Variants in NFASC observed in about 807,000 individuals in gnomAD.
The protein encoded by NFASC is neurofascin.
In NFASC, 43 loss-of-function variants were observed where a neutral mutation model predicts 147.5. That is an observed-to-expected ratio of 0.29 (90% CI 0.23 to 0.38). NFASC has a LOEUF of 0.38. NFASC is among the 10% of genes least tolerant of loss of function. The pLI is 1.00. For missense variants in NFASC, 1,320 were observed against 1,689.0 expected (o/e 0.78, Z 3.83); for synonymous variants, 622 against 665.5 (o/e 0.93, Z 1.01).
chr1:205,006,811 C>T (rs2096121726), intron 27 of NFASC, among the ~76,000 whole-genome samples: 1 of 152,106 alleles, frequency 6.6e-6, no homozygotes, highest in African/African-American at 2.4e-5. Flanking sequence ...CTGGGAGAAT[C>T]AAGGCAGGGG....
intron 17 of NFASC, 69 bp downstream of exon 17, chr1:204,977,794 A>G: frequency 4.8e-6 from 7 of 1,455,602 alleles, no homozygotes; most frequent in Non-Finnish European, 6.7e-6. Context: ...AGTCTGGGAG[A>G]AGGAAGCCAC....
chr1:204,898,037 C>G (rs961258052), intron 1 of NFASC, among the ~76,000 whole-genome samples: 3 of 152,180 alleles, frequency 2.0e-5, no homozygotes, highest in Non-Finnish European at 4.4e-5. Context: ...CGCACCAAGC[C>G]GCCTGGCTAA....
intron 1 of NFASC, among the ~76,000 whole-genome samples, chr1:204,873,955 G>A (rs4950970): frequency 0.12 from 18,010 of 152,198 alleles, 1,840 homozygotes; most frequent in East Asian, 0.47. Flanking sequence ...GGTGGGGTTG[G>A]AGCCAGACTG....
intron 2 of NFASC, 25 bp downstream of exon 2, chr1:204,920,765 A>G (rs2090289605): frequency 1.7e-6 from 2 of 1,150,328 alleles, no homozygotes; most frequent in South Asian, 1.3e-5. Context: ...GGCCTGGGGT[A>G]TGTGTCATTG....
chr1:204,988,761 T>A lies in NFASC; in HGVS notation c.2722T>A (p.Ser908Thr). Residue 908 changes from serine (S) to threonine (T), a missense_variant, in exon 23 of 30, where the codon TCT (serine) becomes ACT (threonine). By Grantham distance (58) the Ser-to-Thr change is moderately conservative. This residue lies in a region of NFASC where 981 missense variants were observed against 1,289.5 expected (regional missense o/e 0.76). Coordinates refer to ENST00000339876, the MANE Select transcript of NFASC (RefSeq NM_001005388.3). ...CCTCAGCGCCAGGACGCAGGTGGGC[T>A]CTGGGGAAGCCGTCACAGAGGAGTC... ...FTLSARTQVG[S>T]GEAVTEESPA... 1 of 1,614,192 alleles carries A rather than the reference T, an allele frequency of 6.2e-7. No homozygotes were observed. Among genetic ancestry groups the A allele is most frequent in the African/African-American group, 1.3e-5 (1 of 75,046 alleles).
intron 1 of NFASC, among the ~76,000 whole-genome samples, chr1:204,899,485 C>T (rs1316840974): frequency 6.6e-6 from 1 of 152,180 alleles, no homozygotes; most frequent in East Asian, 1.9e-4. Flanking sequence ...GAGACATTTG[C>T]CGGTTCCTGC....
chr1:205,000,848 A>C, intron 25 of NFASC: 1 of 366,574 alleles, frequency 2.7e-6, no homozygotes, highest in Non-Finnish European at 5.1e-6. Flanking sequence ...AACAGAAAAC[A>C]AAAAAACTCT....
intron 1 of NFASC, among the ~76,000 whole-genome samples, chr1:204,906,281 TAG>T (rs770787719): frequency 2.6e-4 from 39 of 152,274 alleles, no homozygotes; most frequent in Non-Finnish European, 2.9e-5. Flanking sequence ...GCCAAACACA[TAG>T]AGTTATGTAA....
At position 204,828,758 on chromosome 1, in the gene NFASC, A is replaced by G; in HGVS notation, c.-224A>G. The G allele has an allele frequency of 1.0e-6, 1 of 985,624 alleles. No individual in the cohort carries two copies. Among genetic ancestry groups the G allele is most frequent in the Non-Finnish European group, 1.2e-6 (1 of 830,214 alleles). 61.1% of individuals were successfully genotyped at this position (985,624 alleles called of 1,614,324 possible). A position where few individuals can be genotyped will look rare whatever the true frequency, so the allele number is the denominator to read the frequency against. ...GCAGCGGACAGCTCGGACAGCGCCC[A>G]GGGCCGGAGCCCGAGCCCTTGGAGG... is the stretch of plus-strand genomic sequence containing the variant. On this transcript the variant is annotated 5_prime_UTR_variant, in exon 1 of 30. Coordinates refer to ENST00000339876, the MANE Select transcript of NFASC (RefSeq NM_001005388.3).
chr1:204,954,356 G>A lies in NFASC; in HGVS notation c.384G>A (p.Leu128=), dbSNP rs1399151622. The part of the protein sequence containing the change: ...CFARNKFGTA[L]SNRIRLQVSK... ...CCCGCAACAAATTTGGCACGGCCCT[G>A]TCCAATAGGATCCGCCTGCAGGTGT... Residue 128 remains leucine, a synonymous_variant, in exon 6 of 30, where the codon CTG becomes CTA. Coordinates refer to ENST00000339876, the MANE Select transcript of NFASC (RefSeq NM_001005388.3). This position sits in a 1 kb window ranked among gnomAD's most constrained non-coding sequence, Gnocchi z 5.7. 6.2e-7 allele frequency: 1 copy of A among 1,614,196 alleles called. No homozygotes were observed. Among genetic ancestry groups the A allele is most frequent in the East Asian group, 2.2e-5 (1 of 44,878 alleles).
At chr1:204,949,940 A>G (rs1391789482) in intron 3 of NFASC, among the ~76,000 whole-genome samples, 1 of 152,258 alleles carries the variant, frequency 6.6e-6, no homozygotes, top group African/African-American at 2.4e-5. Context: ...GGAGCCTCCC[A>G]TTGAGAAGCA....
At chr1:204,891,170 G>T (rs1273430709) in intron 1 of NFASC, among the ~76,000 whole-genome samples, 1 of 152,184 alleles carries the variant, frequency 6.6e-6, no homozygotes, top group Non-Finnish European at 1.5e-5. Context: ...CTCGGGCAAG[G>T]CTTATGTGTT....
At chr1:204,900,931 C>G (rs1360352355) in intron 1 of NFASC, among the ~76,000 whole-genome samples, 1 of 152,082 alleles carries the variant, frequency 6.6e-6, no homozygotes, top group African/African-American at 2.4e-5. Context: ...CTCCTCTTGG[C>G]CTCCCAAAGT....
chr1:204,920,427 C>CTTTTTTTTTTT (rs11381518), intron 1 of NFASC, among the ~76,000 whole-genome samples: 2 of 119,600 alleles, frequency 1.7e-5, no homozygotes, highest in Non-Finnish European at 1.7e-5. Flanking sequence ...AGGATCTGTC[C>CTTTTTTTTTTT]TTTTTTTTTT....
At chr1:205,014,142 TG>T (rs1363238022) in intron 29 of NFASC, among the ~76,000 whole-genome samples, 1 of 152,180 alleles carries the variant, frequency 6.6e-6, no homozygotes, top group South Asian at 2.1e-4. Flanking sequence ...AATACAAGGC[TG>T]GGCAGCCTGT....
At chr1:204,831,726 G>A (rs1182542175) in intron 1 of NFASC, among the ~76,000 whole-genome samples, 1 of 151,998 alleles carries the variant, frequency 6.6e-6, no homozygotes, top group Non-Finnish European at 1.5e-5. Flanking sequence ...GGGTGGGGAG[G>A]GGAGAAGTGA....
At chr1:204,938,511 T>C (rs1039501272) in intron 2 of NFASC, among the ~76,000 whole-genome samples, 2 of 152,212 alleles carry the variant, frequency 1.3e-5, no homozygotes, top group Non-Finnish European at 2.9e-5. Context: ...GCTTCCAAGC[T>C]TCAGTGCTTG....
chr1:204,972,336 G>A (rs754030186), intron 11 of NFASC, among the ~76,000 whole-genome samples: 2 of 152,182 alleles, frequency 1.3e-5, no homozygotes, highest in Non-Finnish European at 2.9e-5. Flanking sequence ...GAGAAAAGTG[G>A]CAATTCTTTA....
In NFASC at chr1:204,975,823, G is replaced by C. The variant is rs1265578272; in HGVS notation, c.1706+405G>C. ...TGCAGTACCCCTAATCTTCAGCAGA[G>C]GGCAGGGTTGATCTGAGCCAGCTCT... On this transcript the variant is annotated intron_variant, in intron 15 of 29. Transcript: ENST00000339876. The surrounding 1 kb of genome is among the most constrained non-coding windows in gnomAD (Gnocchi z 4.0). Among the ~76,000 whole-genome samples, 1 of 152,108 alleles carries C rather than the reference G, an allele frequency of 6.6e-6. No individual in the cohort carries two copies. The highest frequency in any genetic ancestry group is 1.5e-5 in the Non-Finnish European group (1 of 67,998).
Sources: gnomAD v4.1 joint callset for allele counts (sites outside exome capture counted in the v4.1 genomes callset) on GRCh38, gnomAD v4.1.1 for gene constraint, gnomAD v4.1.1 regional missense constraint, Gnocchi (gnomAD v3.1) non-coding constraint, MANE v1.5 for transcripts, NCBI Gene and HGNC (gene_info 2026-07-23, HGNC 2026-07-21) for gene names.